HYDIN: variants seen among roughly 807,000 people sequenced by gnomAD.
The protein encoded by HYDIN is HYDIN axonemal central pair apparatus protein.
A neutral mutation model predicts 403.9 loss-of-function variants in HYDIN; 132 were observed. That is an observed-to-expected ratio of 0.33 (90% confidence interval 0.28 to 0.38). The LOEUF is 0.38. HYDIN is among the 10% of genes least tolerant of loss of function. The probability of loss-of-function intolerance (pLI) is 1.00; values close to 1 mark genes in which losing one functional copy is unlikely to be tolerated. For synonymous variants in HYDIN, 1,202 were observed against 1,891.7 expected (o/e 0.64, Z 9.46); for missense variants, 2,827 against 5,009.5 (o/e 0.56, Z 13.15).
intron 43 of HYDIN, among the ~76,000 whole-genome samples, chr16:70,939,296 C>G (rs544343506): frequency 5.5e-4 from 84 of 152,344 alleles, no homozygotes; most frequent in African/African-American, 1.9e-3. Flanking sequence ...GAGCAATGAC[C>G]AGGCATCCCT....
At chr16:70,948,632 C>G (rs1344025980) in intron 41 of HYDIN, among the ~76,000 whole-genome samples, 1 of 151,798 alleles carries the variant, frequency 6.6e-6, no homozygotes, top group South Asian at 2.1e-4. Flanking sequence ...ACAACCCCAT[C>G]AAAAAGTGGG....
intron 1 of HYDIN, among the ~76,000 whole-genome samples, chr16:71,197,123 A>G (rs1450697457): frequency 6.6e-6 from 1 of 152,076 alleles, no homozygotes; most frequent in Non-Finnish European, 1.5e-5. Context: ...ATATTGTGGG[A>G]CTTCTCAGCC....
intron 1 of HYDIN, among the ~76,000 whole-genome samples, chr16:71,205,892 G>A (rs1247859761): frequency 2.6e-5 from 4 of 152,180 alleles, no homozygotes; most frequent in Admixed American, 2.6e-4. Flanking sequence ...CAGCTAAAGA[G>A]CACAGCCTCC....
At chr16:71,208,416 G>C (rs1408444365) in intron 1 of HYDIN, among the ~76,000 whole-genome samples, 1 of 152,172 alleles carries the variant, frequency 6.6e-6, no homozygotes, top group Non-Finnish European at 1.5e-5. Flanking sequence ...GCAGTGTTAA[G>C]AGGGAAATTT....
In HYDIN at chr16:71,093,911, C is replaced by A. The variant is rs7200485; in HGVS notation, c.1352G>T (p.Arg451Leu). 1.2e-6 allele frequency: 2 copies of A among 1,613,422 alleles called. No homozygotes were observed. The highest frequency in any genetic ancestry group is 2.2e-5 in the East Asian group (1 of 44,864). The change falls in exon 11 of 86, where the codon CGA becomes CTA. Residue 451 changes from arginine (R) to leucine (L), a missense_variant. Transcript: ENST00000393567. ...AGGTCCCATGCCTTCCCCTTTGATT[C>A]GGAGGGGCAGACGGATTTCTCGGCC... ...ILGREIRLPL[R>L]IKGEGMGPKI...
chr16:71,146,155 T>C (rs1287373436), intron 7 of HYDIN, among the ~76,000 whole-genome samples: 1 of 152,152 alleles, frequency 6.6e-6, no homozygotes, highest in Admixed American at 6.5e-5. Context: ...TTAAAGATAA[T>C]GTATTTACTA....
Position 70,805,025 on chromosome 16 carries a change from T to C in HYDIN, c.*2555A>G, listed in dbSNP as rs536583975. 6.6e-6 allele frequency among the ~76,000 whole-genome samples: 1 copy of C among 152,344 alleles called. No individual in the cohort carries two copies. Among genetic ancestry groups the C allele is most frequent in the Non-Finnish European group, 1.5e-5 (1 of 68,024 alleles). ...CTTAGGGATCACTTGGTGTACCACATTGACCATTATTGAAAAAGTACACCC... is the reference window on the plus strand; with the variant it reads ...CTTAGGGATCACTTGGTGTACCACACTGACCATTATTGAAAAAGTACACCC... On this transcript the variant is annotated 3_prime_UTR_variant, in exon 86 of 86. Coordinates refer to ENST00000393567, the MANE Select transcript of HYDIN (RefSeq NM_001270974.2).
chr16:70,967,853 T>C (rs1471017989), intron 36 of HYDIN, among the ~76,000 whole-genome samples: 1 of 152,172 alleles, frequency 6.6e-6, no homozygotes, highest in Non-Finnish European at 1.5e-5. Context: ...CCCAAAATGC[T>C]AGGATTATAG....
chr16:71,163,680 C>A (rs1319093518), intron 5 of HYDIN, among the ~76,000 whole-genome samples: 1 of 152,204 alleles, frequency 6.6e-6, no homozygotes, highest in African/African-American at 2.4e-5. Context: ...CCAACCAAGA[C>A]CATGCTAGAC....
intron 3 of HYDIN, among the ~76,000 whole-genome samples, chr16:71,184,036 T>C (rs756124434): frequency 5.3e-5 from 8 of 152,054 alleles, no homozygotes; most frequent in Non-Finnish European, 1.2e-4. Flanking sequence ...AGGGTGGTTG[T>C]GGGAAACAGA....
intron 8 of HYDIN, among the ~76,000 whole-genome samples, chr16:71,130,924 C>CA (rs1157817923): frequency 6.9e-6 from 1 of 144,264 alleles, no homozygotes; most frequent in African/African-American, 2.6e-5. Flanking sequence ...TAAGAGAGAA[C>CA]AGCAGCTTTC....
intron 83 of HYDIN, among the ~76,000 whole-genome samples, chr16:70,819,219 T>G (rs2036062729): frequency 6.6e-6 from 1 of 151,968 alleles, no homozygotes; most frequent in Admixed American, 6.5e-5. Flanking sequence ...CTGGCCACAG[T>G]GGGCTTTCTT....
At chr16:71,043,921 TA>T (rs150430951) in intron 18 of HYDIN, among the ~76,000 whole-genome samples, 13 of 140,786 alleles carry the variant, frequency 9.2e-5, no homozygotes, top group Admixed American at 2.1e-4. Context: ...AGACCTCATC[TA>T]AAAAAAAAAG....
At position 70,858,018 on chromosome 16, in the gene HYDIN, G is replaced by A. The variant is rs2039140004; in HGVS notation, c.12130-148C>T. On this transcript the variant is annotated intron_variant, in intron 71 of 85. Coordinates refer to ENST00000393567, the MANE Select transcript of HYDIN (RefSeq NM_001270974.2). Reference sequence around the variant, plus strand: ...CTATAGTCCATGTAAGGGCATGTAGGTGTGGCTGTACCAGAAATGTCAATG... The same window carrying A: ...CTATAGTCCATGTAAGGGCATGTAGATGTGGCTGTACCAGAAATGTCAATG... The A allele has an allele frequency of 4.7e-6, 6 of 1,282,966 alleles. No homozygotes were observed. The South Asian group carries it at 7.6e-5, about 16-fold the overall frequency. 79.5% of individuals were successfully genotyped at this position (1,282,966 alleles called of 1,614,324 possible).
chr16:71,120,059 T>G (rs1049320053), intron 9 of HYDIN, among the ~76,000 whole-genome samples: 13 of 151,954 alleles, frequency 8.6e-5, no homozygotes, highest in Admixed American at 3.3e-4. Flanking sequence ...AAAACCTGCC[T>G]CATCACACGG....
rs550706099 is a variant in HYDIN, at chr16:70,895,492, C to T, written c.9148+489G>A. On this transcript the variant is annotated intron_variant, in intron 54 of 85. Transcript: ENST00000393567. ...GTCTTTGAATGTGGAGAAAGGGGACCATGTGGGCGGCCTCTAGGAGTTGGA... is the reference window on the plus strand; with the variant it reads ...GTCTTTGAATGTGGAGAAAGGGGACTATGTGGGCGGCCTCTAGGAGTTGGA... Among the ~76,000 whole-genome samples, 82 of 152,078 alleles carry T rather than the reference C, an allele frequency of 5.4e-4. 1 individual carries two copies. The South Asian group carries it at 0.016, about 29-fold the overall frequency.
Position 70,862,167 on chromosome 16 carries a change from G to A in HYDIN, c.11658C>T (p.Ser3886=). The A allele has an allele frequency of 6.2e-7, 1 of 1,613,136 alleles. No homozygotes were observed. Among genetic ancestry groups the A allele is most frequent in the Non-Finnish European group, 8.5e-7 (1 of 1,179,698 alleles). Residue 3886 remains serine (S), a synonymous_variant, in exon 69 of 86, where the codon TCC becomes TCT. Coordinates refer to ENST00000393567, the MANE Select transcript of HYDIN (RefSeq NM_001270974.2). ...AGGGCTCCACAGAGAAGGGCTGTGGGGAACCCTCGGCCCAGTGGTCCATGG... is the reference window on the plus strand; with the variant it reads ...AGGGCTCCACAGAGAAGGGCTGTGGAGAACCCTCGGCCCAGTGGTCCATGG... ...DSTMDHWAEG[S]PQPFSVEPSS...
At chr16:70,979,989 G>C (rs953928911) in intron 29 of HYDIN, among the ~76,000 whole-genome samples, 8 of 151,914 alleles carry the variant, frequency 5.3e-5, no homozygotes, top group African/African-American at 1.9e-4. Context: ...TGTGAGTGTA[G>C]TGAACTGGAG....
intron 30 of HYDIN, among the ~76,000 whole-genome samples, chr16:70,978,600 G>T (rs2078955264): frequency 6.6e-6 from 1 of 152,214 alleles, no homozygotes; most frequent in Non-Finnish European, 1.5e-5. Flanking sequence ...TCTTAAAGAT[G>T]CAAAGTCGAT....
Sources: gnomAD v4.1 joint callset for allele counts (sites outside exome capture counted in the v4.1 genomes callset) on GRCh38, gnomAD v4.1.1 for gene constraint, MANE v1.5 for transcripts, NCBI Gene and HGNC (gene_info 2026-07-23, HGNC 2026-07-21) for gene names.